SCAPER: variants seen among roughly 807,000 people sequenced by gnomAD.
SCAPER encodes S-phase cyclin A associated protein in the ER.
In SCAPER, 98 loss-of-function variants were observed where a neutral mutation model predicts 182.2. The observed-to-expected ratio is 0.54, with a 90% confidence interval of 0.46 to 0.64. SCAPER has a LOEUF of 0.64. Ranked by LOEUF, SCAPER falls within the 30% of genes least tolerant of loss-of-function variation. SCAPER has a pLI of 0.00. For synonymous variants in SCAPER, 605 were observed against 564.6 expected, an observed-to-expected ratio of 1.07 and a Z score of -1.01; for missense variants, 1,432 against 1,690.0, an observed-to-expected ratio of 0.85 and a Z score of 2.68.
chr15:76,448,494 G>A (rs969619525), intron 25 of SCAPER, among the ~76,000 whole-genome samples: 1 of 152,158 alleles, frequency 6.6e-6, no homozygotes, highest in African/African-American at 2.4e-5. Context: ...GGCATGCTAA[G>A]TTTCAGGGTT....
chr15:76,707,582 G>A (rs2059324430), intron 17 of SCAPER, among the ~76,000 whole-genome samples: 1 of 152,042 alleles, frequency 6.6e-6, no homozygotes. Flanking sequence ...TAAATTACAT[G>A]AAACTAGCAG....
At chr15:76,812,349 C>T (rs1313172591) in intron 5 of SCAPER, among the ~76,000 whole-genome samples, 1 of 151,160 alleles carries the variant, frequency 6.6e-6, no homozygotes, top group Non-Finnish European at 1.5e-5. Context: ...ATTAGCTGGA[C>T]ATGGTGGCAT....
At chr15:76,483,102 T>C (rs1596928687) in intron 24 of SCAPER, among the ~76,000 whole-genome samples, 3 of 152,012 alleles carry the variant, frequency 2.0e-5, no homozygotes, top group Admixed American at 6.6e-5. Flanking sequence ...AGTCTTATGA[T>C]AAAGTTACAC....
chr15:76,815,760 T>C (rs1010455001), intron 5 of SCAPER, among the ~76,000 whole-genome samples: 2 of 152,172 alleles, frequency 1.3e-5, no homozygotes, highest in Non-Finnish European at 2.9e-5. Flanking sequence ...TAGGACAGTC[T>C]AATGCCTGAT....
intron 24 of SCAPER, 86 bp downstream of exon 24, chr15:76,504,773 T>C: frequency 9.1e-7 from 1 of 1,102,866 alleles, no homozygotes; most frequent in Non-Finnish European, 1.3e-6. Context: ...CACATACAAT[T>C]TTCTTGTGGT....
At chr15:76,895,156 A>G (rs1430013854) in intron 1 of SCAPER, among the ~76,000 whole-genome samples, 3 of 152,202 alleles carry the variant, frequency 2.0e-5, no homozygotes, top group African/African-American at 7.2e-5. Flanking sequence ...ACCAAATCCA[A>G]CAGCTTATTG....
At chr15:76,836,487 G>A (rs1236417762) in intron 5 of SCAPER, among the ~76,000 whole-genome samples, 1 of 152,104 alleles carries the variant, frequency 6.6e-6, no homozygotes. Flanking sequence ...TTCAATAAAT[G>A]GTGCTGGGAT....
At chr15:76,563,312 A>T (rs572214630) in intron 23 of SCAPER, among the ~76,000 whole-genome samples, 1 of 152,304 alleles carries the variant, frequency 6.6e-6, no homozygotes, top group East Asian at 1.9e-4. Context: ...AAATAGTCCA[A>T]AAATAGTTAG....
chr15:76,717,723 G>A (rs2150935187), intron 17 of SCAPER, among the ~76,000 whole-genome samples: 1 of 152,152 alleles, frequency 6.6e-6, no homozygotes, highest in African/African-American at 2.4e-5. Context: ...TAATGATAAA[G>A]GGGTCAGTTC....
intron 8 of SCAPER, 103 bp downstream of exon 8, chr15:76,795,177 G>T: frequency 1.9e-6 from 2 of 1,030,748 alleles, no homozygotes; most frequent in Non-Finnish European, 2.8e-6. Context: ...TTAATATTAC[G>T]TATGTTGTAC....
intron 9 of SCAPER, 109 bp from the exon 10 acceptor site, chr15:76,772,063 A>G: frequency 1.4e-6 from 1 of 697,116 alleles, no homozygotes; most frequent in South Asian, 1.9e-5. Context: ...AAGAAGAGGT[A>G]CTTGACTGGA....
At chr15:76,833,608 T>G (rs1461948223) in intron 5 of SCAPER, among the ~76,000 whole-genome samples, 1 of 152,146 alleles carries the variant, frequency 6.6e-6, no homozygotes, top group African/African-American at 2.4e-5. Context: ...GTAGGCTGCC[T>G]TCAAAAGACG....
intron 22 of SCAPER, among the ~76,000 whole-genome samples, chr15:76,606,186 C>G (rs1850699433): frequency 6.6e-6 from 1 of 152,204 alleles, no homozygotes; most frequent in African/African-American, 2.4e-5. Context: ...CTACACACTG[C>G]TTTGAATGTG....
chr15:76,615,219 C>T (rs949674377), intron 22 of SCAPER, among the ~76,000 whole-genome samples: 4 of 151,554 alleles, frequency 2.6e-5, no homozygotes, highest in Non-Finnish European at 5.9e-5. Flanking sequence ...TGAGGGGGGG[C>T]GGATTGCTTG....
At chr15:76,683,787 A>C (rs1349486913) in intron 20 of SCAPER, among the ~76,000 whole-genome samples, 1 of 152,146 alleles carries the variant, frequency 6.6e-6, no homozygotes, top group East Asian at 1.9e-4. Context: ...TTAAAGAAAA[A>C]GAAATTCCAA....
At chr15:76,558,828 T>C (rs2046379965) in intron 23 of SCAPER, among the ~76,000 whole-genome samples, 1 of 151,786 alleles carries the variant, frequency 6.6e-6, no homozygotes, top group African/African-American at 2.4e-5. Context: ...CACACATACA[T>C]ACACACACAC....
At chr15:76,408,622 G>A (rs1035971440) in intron 26 of SCAPER, among the ~76,000 whole-genome samples, 1 of 151,850 alleles carries the variant, frequency 6.6e-6, no homozygotes, top group African/African-American at 2.4e-5. Flanking sequence ...CAAGGTACGA[G>A]AAAACCCAGT....
chr15:76,434,350 A>G, intron 25 of SCAPER, 40 bp from the exon 26 acceptor site: 4 of 1,420,254 alleles, frequency 2.8e-6, no homozygotes, highest in Non-Finnish European at 3.9e-6. Flanking sequence ...TTTCAATAAA[A>G]CCACCAAAAA....
chr15:76,365,681 T>A (rs1428233944), intron 29 of SCAPER, among the ~76,000 whole-genome samples: 1 of 152,204 alleles, frequency 6.6e-6, no homozygotes, highest in African/African-American at 2.4e-5. Context: ...ATATTTGCAT[T>A]ATCTGTGTCT....
Sources: gnomAD v4.1 joint callset for allele counts (sites outside exome capture counted in the v4.1 genomes callset) on GRCh38, gnomAD v4.1.1 for gene constraint, MANE v1.5 for transcripts, NCBI Gene and HGNC (gene_info 2026-07-23, HGNC 2026-07-21) for gene names.